Variants in RNF150 observed in about 807,000 individuals in gnomAD.
RNF150 encodes the protein ring finger protein 150.
RNF150 carries 24 observed loss-of-function variants against 39.3 expected under a neutral mutation model. The ratio of observed to expected loss-of-function variants is 0.61; its 90% CI spans 0.44 to 0.86. The LOEUF is 0.86. Ranked by LOEUF, RNF150 falls within the 40% of genes least tolerant of loss-of-function variation. The probability of loss-of-function intolerance (pLI) is 0.00; values close to 1 mark genes in which losing one functional copy is unlikely to be tolerated. For missense variants in RNF150, 502 were observed against 587.8 expected, an observed-to-expected ratio of 0.85 and a Z score of 1.51; for synonymous variants, 255 against 227.3, an observed-to-expected ratio of 1.12 and a Z score of -1.10.
chr4:141,181,303 TAA>T (rs1727904793), intron 1 of RNF150, among the ~76,000 whole-genome samples: 1 of 152,222 alleles, frequency 6.6e-6, no homozygotes, highest in South Asian at 2.1e-4. Flanking sequence ...GTGTAATGTA[TAA>T]AGTTACCTAA....
At chr4:140,868,729 G>T (rs1728815913) in intron 6 of RNF150, among the ~76,000 whole-genome samples, 1 of 152,010 alleles carries the variant, frequency 6.6e-6, no homozygotes, top group Non-Finnish European at 1.5e-5. Context: ...TTACACACAT[G>T]TAAAATAAAA....
chr4:141,159,519 GTTGTTGTTTTTTGTTT>G (rs1249115233), intron 1 of RNF150, among the ~76,000 whole-genome samples: 3 of 151,800 alleles, frequency 2.0e-5, no homozygotes, highest in South Asian at 2.1e-4. Flanking sequence ...AATTGTTGTT[GTTGTTGTTTTTTGTTT>G]TTGTTGTTTT....
In RNF150 at chr4:140,865,256, T is replaced by C. The variant is rs981246880; in HGVS notation, c.*3005A>G. ...ACATGATTAAAATTATCTTTACCTG[T>C]TTCTTTTTACACTTTAAAATGTGGC... On this transcript the variant is annotated 3_prime_UTR_variant, in exon 7 of 7. Coordinates refer to ENST00000515673, the MANE Select transcript of RNF150 (RefSeq NM_020724.2). 6.6e-6 allele frequency: 1 copy of C among 152,232 alleles called. No homozygotes were observed. Among genetic ancestry groups the C allele is most frequent in the African/African-American group, 2.4e-5 (1 of 41,466 alleles). The allele number at this position is 152,232 out of a possible 1,614,324, so 9.4% of individuals were successfully genotyped here.
intron 1 of RNF150, among the ~76,000 whole-genome samples, chr4:141,068,189 C>T (rs546334731): frequency 6.6e-6 from 1 of 152,128 alleles, no homozygotes; most frequent in Non-Finnish European, 1.5e-5. Flanking sequence ...ATGTGATCTG[C>T]CCGCCTTGGC....
intron 6 of RNF150, among the ~76,000 whole-genome samples, chr4:140,882,760 A>G (rs1729423454): frequency 6.7e-6 from 1 of 150,214 alleles, no homozygotes; most frequent in African/African-American, 2.4e-5. Flanking sequence ...TACCATTTAC[A>G]TGGAACATCT....
chr4:141,012,531 C>T (rs1735109720), intron 1 of RNF150, among the ~76,000 whole-genome samples: 1 of 152,064 alleles, frequency 6.6e-6, no homozygotes, highest in Non-Finnish European at 1.5e-5. Context: ...GACGTGTTGG[C>T]TCATGCCTGT....
chr4:140,981,613 G>A (rs146515625), intron 1 of RNF150, among the ~76,000 whole-genome samples: 1 of 152,234 alleles, frequency 6.6e-6, no homozygotes, highest in East Asian at 1.9e-4. Context: ...AAAAAATAAT[G>A]TGTTTGGGGT....
intron 1 of RNF150, among the ~76,000 whole-genome samples, chr4:141,200,516 G>T (rs1560776563): frequency 6.6e-6 from 1 of 151,800 alleles, no homozygotes; most frequent in African/African-American, 2.4e-5. Flanking sequence ...TGGAAAAGGT[G>T]AGAGAGCTCT....
At chr4:141,036,869 C>T (rs1736167902) in intron 1 of RNF150, among the ~76,000 whole-genome samples, 4 of 152,118 alleles carry the variant, frequency 2.6e-5, no homozygotes, top group African/African-American at 9.7e-5. Flanking sequence ...TTAAACATAT[C>T]CTTAATTGCA....
At chr4:141,189,264 C>T (rs906126177) in intron 1 of RNF150, among the ~76,000 whole-genome samples, 1 of 152,196 alleles carries the variant, frequency 6.6e-6, no homozygotes, top group Non-Finnish European at 1.5e-5. Flanking sequence ...GCTTCTTCCT[C>T]TGGAAGCTTC....
chr4:141,000,654 A>G (rs1734630916), intron 1 of RNF150, among the ~76,000 whole-genome samples: 1 of 151,198 alleles, frequency 6.6e-6, no homozygotes, highest in East Asian at 1.9e-4. Context: ...ACATTGATTT[A>G]GAATTTTTGA....
At chr4:141,049,187 A>G (rs921363241) in intron 1 of RNF150, among the ~76,000 whole-genome samples, 7 of 152,194 alleles carry the variant, frequency 4.6e-5, no homozygotes, top group African/African-American at 1.4e-4. Context: ...GTAATTACAC[A>G]TAGTTTACCA....
At chr4:140,970,202 C>A (rs564727685) in intron 1 of RNF150, among the ~76,000 whole-genome samples, 9 of 152,290 alleles carry the variant, frequency 5.9e-5, no homozygotes, top group African/African-American at 2.2e-4. Flanking sequence ...CAAAACCTTA[C>A]AGCTTTACTT....
chr4:141,096,300 G>T (rs1488865575), intron 1 of RNF150, among the ~76,000 whole-genome samples: 2 of 145,292 alleles, frequency 1.4e-5, no homozygotes, highest in South Asian at 4.7e-4. Context: ...GGGTTCAAGC[G>T]ATTCTCCTGC....
chr4:140,875,831 A>G (rs1158303109), intron 6 of RNF150, among the ~76,000 whole-genome samples: 1 of 151,950 alleles, frequency 6.6e-6, no homozygotes, highest in Non-Finnish European at 1.5e-5. Context: ...TTGTTTCTTT[A>G]TGGTGGTTAT....
At chr4:141,080,160 G>C (rs574825385) in intron 1 of RNF150, among the ~76,000 whole-genome samples, 1 of 152,326 alleles carries the variant, frequency 6.6e-6, no homozygotes, top group African/African-American at 2.4e-5. Flanking sequence ...GGAAGCCAGA[G>C]TAGTCAGCTG....
At chr4:141,087,905 C>T (rs1336986543) in intron 1 of RNF150, among the ~76,000 whole-genome samples, 1 of 152,028 alleles carries the variant, frequency 6.6e-6, no homozygotes, top group Non-Finnish European at 1.5e-5. Flanking sequence ...GTAATCAAGG[C>T]ATCCTCTAGC....
At position 141,163,525 on chromosome 4, in the gene RNF150, G is replaced by A. The variant is rs181691826; in HGVS notation, c.-6+49269C>T. ...CCTGACTGGGAGATACCTACCAGCA[G>A]GGGTTGACAGACACTTCATACAGGA... On this transcript the variant is annotated intron_variant, in intron 1 of 7. Transcript: ENST00000420921. Among the ~76,000 whole-genome samples, 302 of 152,306 alleles carry A rather than the reference G, an allele frequency of 2.0e-3. 1 individual carries two copies. The highest frequency in any genetic ancestry group is 7.0e-3 in the African/African-American group (293 of 41,562).
intron 1 of RNF150, among the ~76,000 whole-genome samples, chr4:141,098,445 C>G (rs781534873): frequency 6.6e-6 from 1 of 152,214 alleles, no homozygotes; most frequent in Non-Finnish European, 1.5e-5. Flanking sequence ...AGTGTGACCA[C>G]TGGTGTGGTG....
Sources: allele counts gnomAD v4.1 joint callset (sites outside exome capture counted in the v4.1 genomes callset), GRCh38; gene constraint gnomAD v4.1.1; transcripts MANE v1.5; gene names NCBI Gene and HGNC (gene_info 2026-07-23, HGNC 2026-07-21).